VEZT: variants seen among roughly 807,000 people sequenced by gnomAD.
VEZT encodes the protein vezatin, adherens junctions transmembrane protein, also known as vezatin.
In VEZT, 39 loss-of-function variants were observed where a neutral mutation model predicts 79.9. The ratio of observed to expected loss-of-function variants is 0.49; its 90% CI spans 0.38 to 0.64. The LOEUF is 0.64. Ranked by LOEUF, VEZT falls within the 30% of genes least tolerant of loss-of-function variation. VEZT has a pLI of 0.00. For missense variants in VEZT, 837 were observed against 893.1 expected (o/e 0.94, Z 0.80); for synonymous variants, 325 against 327.6 (o/e 0.99, Z 0.09).
At chr12:95,263,290 T>C (rs1012564093) in intron 4 of VEZT, among the ~76,000 whole-genome samples, 5 of 152,222 alleles carry the variant, frequency 3.3e-5, no homozygotes, top group African/African-American at 9.6e-5. Flanking sequence ...TTGGTTATTA[T>C]ATACTTCCAA....
chr12:95,292,571 CAAAG>C, intron 9 of VEZT, among the ~76,000 whole-genome samples: 1 of 134,878 alleles, frequency 7.4e-6, no homozygotes, highest in South Asian at 2.3e-4. Context: ...TTTTTTGAGA[CAAAG>C]TCGCACTCTG....
At chr12:95,295,318 G>A (rs1028252058) in intron 10 of VEZT, among the ~76,000 whole-genome samples, 10 of 152,200 alleles carry the variant, frequency 6.6e-5, no homozygotes, top group Middle Eastern at 6.8e-3. Flanking sequence ...CTGCCACCGC[G>A]CCTGGCTAAT....
intron 7 of VEZT, among the ~76,000 whole-genome samples, chr12:95,279,259 G>A (rs1161429453): frequency 6.6e-6 from 1 of 152,092 alleles, no homozygotes; most frequent in Non-Finnish European, 1.5e-5. Flanking sequence ...TGCCATGTTG[G>A]TGCTCAAAAA....
At chr12:95,291,436 G>A (rs1219197314) in intron 9 of VEZT, among the ~76,000 whole-genome samples, 2 of 152,196 alleles carry the variant, frequency 1.3e-5, no homozygotes, top group African/African-American at 4.8e-5. Flanking sequence ...ACGTTAAAGT[G>A]TGAGAAATTT....
intron 1 of VEZT, among the ~76,000 whole-genome samples, chr12:95,243,534 A>G (rs2061327671): frequency 6.6e-6 from 1 of 152,162 alleles, no homozygotes; most frequent in Admixed American, 6.5e-5. Context: ...CCTGTTATAA[A>G]TAAATAAATA....
At position 95,230,723 on chromosome 12, in the gene VEZT, T is replaced by C. The variant is rs369386844; in HGVS notation, c.36+12837T>C. On this transcript the variant is annotated intron_variant, in intron 1 of 11. Transcript: ENST00000436874. ...CCAATTGTGTTTGATCTTCTGGCCT[T>C]TGTCTTAAAGCAGTTGAAAATGAAG... Among the ~76,000 whole-genome samples the C allele has an allele frequency of 4.6e-5, 7 of 152,194 alleles. No homozygotes were observed. The South Asian group carries it at 1.4e-3, about 31-fold the overall frequency.
chr12:95,223,186 C>T (rs1438184510), intron 1 of VEZT, among the ~76,000 whole-genome samples: 2 of 151,920 alleles, frequency 1.3e-5, no homozygotes, highest in African/African-American at 2.4e-5. Context: ...GTAACTATCT[C>T]GTAAGGTAGT....
At chr12:95,289,129 T>TAAATTAAA (rs1343956093) in intron 9 of VEZT, among the ~76,000 whole-genome samples, 8 of 141,586 alleles carry the variant, frequency 5.7e-5, no homozygotes, top group Middle Eastern at 3.8e-3. Context: ...AATAAATAAA[T>TAAATTAAA]AAAAAAGGCC....
At chr12:95,219,202 G>A (rs551305194) in intron 1 of VEZT, among the ~76,000 whole-genome samples, 1 of 152,120 alleles carries the variant, frequency 6.6e-6, no homozygotes, top group Non-Finnish European at 1.5e-5. Flanking sequence ...TAGAGTAAGG[G>A]TAACTGATGG....
chr12:95,259,312 C>T (rs2063983668), intron 3 of VEZT, among the ~76,000 whole-genome samples: 1 of 151,834 alleles, frequency 6.6e-6, no homozygotes, highest in African/African-American at 2.4e-5. Flanking sequence ...GTAATAATTA[C>T]TTTGTGTTCT....
chr12:95,237,249 C>T (rs1430127450), intron 1 of VEZT, among the ~76,000 whole-genome samples: 3 of 151,986 alleles, frequency 2.0e-5, no homozygotes, highest in African/African-American at 2.4e-5. Context: ...CCTTAGTTTC[C>T]TCATATCTAA....
At chr12:95,274,469 AAAAT>A (rs990864036) in intron 6 of VEZT, among the ~76,000 whole-genome samples, 3 of 152,204 alleles carry the variant, frequency 2.0e-5, no homozygotes, top group African/African-American at 7.2e-5. Flanking sequence ...CCATCTCAAA[AAAAT>A]AAATAAATAA....
At chr12:95,289,454 C>G (rs1331995597) in intron 9 of VEZT, among the ~76,000 whole-genome samples, 2 of 150,448 alleles carry the variant, frequency 1.3e-5, no homozygotes, top group Non-Finnish European at 3.0e-5. Flanking sequence ...AAAGATGCAT[C>G]CCATTCATCC....
intron 11 of VEZT, 190 bp from the exon 12 acceptor site, chr12:95,299,975 C>A: frequency 2.6e-6 from 1 of 387,454 alleles, no homozygotes; most frequent in Non-Finnish European, 4.5e-6. Context: ...CATTTCATTT[C>A]TTAGGCATTT....
intron 1 of VEZT, among the ~76,000 whole-genome samples, chr12:95,225,649 G>GGA (rs990438025): frequency 6.6e-5 from 10 of 151,562 alleles, no homozygotes; most frequent in African/African-American, 2.4e-4. Context: ...ATTGGAACTT[G>GGA]GAGTCTCTCC....
intron 7 of VEZT, among the ~76,000 whole-genome samples, chr12:95,277,836 A>G (rs1205149369): frequency 6.6e-6 from 1 of 152,262 alleles, no homozygotes; most frequent in Non-Finnish European, 1.5e-5. Flanking sequence ...AATAGCTGTT[A>G]TTCTTTAAGA....
At chr12:95,269,288 C>T (rs944248703) in intron 5 of VEZT, among the ~76,000 whole-genome samples, 1 of 152,120 alleles carries the variant, frequency 6.6e-6, no homozygotes, top group Non-Finnish European at 1.5e-5. Flanking sequence ...TAGGTACTCC[C>T]CATTAATCTT....
chr12:95,227,131 T>C (rs138814885), intron 1 of VEZT, among the ~76,000 whole-genome samples: 1 of 152,316 alleles, frequency 6.6e-6, no homozygotes, highest in African/African-American at 2.4e-5. Context: ...ATTCTCCAAT[T>C]ACTTTAGAAA....
At chr12:95,262,565 T>C (rs148979229) in intron 3 of VEZT, among the ~76,000 whole-genome samples, 25 of 152,364 alleles carry the variant, frequency 1.6e-4, no homozygotes, top group Non-Finnish European at 2.9e-4. Context: ...CAGCATCTTT[T>C]ATGTTATAGG....
Sources: allele counts gnomAD v4.1 joint callset (sites outside exome capture counted in the v4.1 genomes callset), GRCh38; gene constraint gnomAD v4.1.1; transcripts MANE v1.5; gene names NCBI Gene and HGNC (gene_info 2026-07-23, HGNC 2026-07-21).